The following NSMCE2 variants were observed in gnomAD, a reference collection of about 807,000 sequenced individuals.
NSMCE2 encodes E3 SUMO-protein ligase NSE2.
A neutral mutation model predicts 23.8 loss-of-function variants in NSMCE2; 24 were observed. The observed-to-expected ratio is 1.01, with a 90% CI of 0.73 to 1.42. The LOEUF is 1.42. Among genes scored for constraint, NSMCE2 ranks in the 40% most tolerant of loss-of-function variants. NSMCE2 has a pLI of 0.00. For missense variants in NSMCE2, 284 were observed against 296.5 expected (o/e 0.96, Z 0.31); for synonymous variants, 92 against 94.1 (o/e 0.98, Z 0.13).
chr8:125,319,232 C>A (rs1466016785), intron 5 of NSMCE2, among the ~76,000 whole-genome samples: 1 of 152,114 alleles, frequency 6.6e-6, no homozygotes, highest in South Asian at 2.1e-4. Context: ...CAAACTGTTT[C>A]CAAATAAATA....
chr8:125,131,655 T>C (rs1819778571), intron 3 of NSMCE2, among the ~76,000 whole-genome samples: 1 of 152,134 alleles, frequency 6.6e-6, no homozygotes, highest in African/African-American at 2.4e-5. Flanking sequence ...AGAGATTATG[T>C]CTCTTTGAAA....
At chr8:125,276,130 C>T (rs1332810076) in intron 5 of NSMCE2, among the ~76,000 whole-genome samples, 2 of 152,180 alleles carry the variant, frequency 1.3e-5, no homozygotes, top group African/African-American at 4.8e-5. Context: ...ACAGGATACT[C>T]AATTACATTT....
intron 7 of NSMCE2, among the ~76,000 whole-genome samples, chr8:125,363,980 G>C (rs1813678488): frequency 6.6e-6 from 1 of 152,022 alleles, no homozygotes; most frequent in African/African-American, 2.4e-5. Flanking sequence ...GTCTTGCTCT[G>C]TTGCCCAGGC....
At chr8:125,260,816 G>T (rs914244225) in intron 5 of NSMCE2, among the ~76,000 whole-genome samples, 1 of 151,572 alleles carries the variant, frequency 6.6e-6, no homozygotes. Flanking sequence ...TAGAGGTGAG[G>T]TTTCACCATG....
At chr8:125,307,260 T>C (rs529849236) in intron 5 of NSMCE2, among the ~76,000 whole-genome samples, 16 of 152,360 alleles carry the variant, frequency 1.1e-4, no homozygotes, top group African/African-American at 3.6e-4. Context: ...ATGTGCAATG[T>C]CTATGTTTAG....
intron 3 of NSMCE2, among the ~76,000 whole-genome samples, chr8:125,112,066 TG>T (rs1025293521): frequency 6.6e-6 from 1 of 152,110 alleles, no homozygotes; most frequent in Admixed American, 6.5e-5. Context: ...TAGTGGTGAG[TG>T]GTGGCCACAA....
intron 4 of NSMCE2, among the ~76,000 whole-genome samples, chr8:125,168,542 G>C (rs574093061): frequency 6.6e-6 from 1 of 152,320 alleles, no homozygotes; most frequent in East Asian, 1.9e-4. Context: ...TCAGCATCTG[G>C]TGAGGGCCTA....
chr8:125,158,441 G>A (rs1263007127), intron 4 of NSMCE2, among the ~76,000 whole-genome samples: 1 of 152,126 alleles, frequency 6.6e-6, no homozygotes, highest in Non-Finnish European at 1.5e-5. Context: ...AGAAGAGGCA[G>A]GAGACACACA....
intron 5 of NSMCE2, among the ~76,000 whole-genome samples, chr8:125,337,980 T>A (rs1262898408): frequency 6.6e-6 from 1 of 151,990 alleles, no homozygotes; most frequent in South Asian, 2.1e-4. Flanking sequence ...TTTAAGATAG[T>A]CTGATTCCTC....
chr8:125,096,543 T>G (rs1442306316), intron 1 of NSMCE2, among the ~76,000 whole-genome samples: 1 of 149,736 alleles, frequency 6.7e-6, no homozygotes, highest in African/African-American at 2.4e-5. Context: ...TGTTATTTGT[T>G]TTTTTTTTTT....
At chr8:125,215,820 G>A (rs1298179757) in intron 5 of NSMCE2, among the ~76,000 whole-genome samples, 1 of 152,118 alleles carries the variant, frequency 6.6e-6, no homozygotes, top group African/African-American at 2.4e-5. Flanking sequence ...ACTATTCTGG[G>A]TACCTCATGT....
rs192228792 is a variant in NSMCE2 at position 125,310,255 on chromosome 8, G to A, written c.419-46964G>A. On this transcript the variant is annotated intron_variant, in intron 5 of 7. Transcript: ENST00000287437. ...ACTCAGACTAGAGTCAGACAGAAGGGAGTTCCATTCCCAGCCCACCACCTG... is the reference window on the plus strand; with the variant it reads ...ACTCAGACTAGAGTCAGACAGAAGGAAGTTCCATTCCCAGCCCACCACCTG... Among the ~76,000 whole-genome samples the A allele has an allele frequency of 4.6e-5, 7 of 152,214 alleles. No individual in the cohort carries two copies. In the East Asian group the frequency reaches 1.3e-3, roughly 29 times the overall value.
chr8:125,325,078 C>T (rs1341493175), intron 5 of NSMCE2, among the ~76,000 whole-genome samples: 1 of 152,038 alleles, frequency 6.6e-6, no homozygotes, highest in Non-Finnish European at 1.5e-5. Flanking sequence ...AAATTATATA[C>T]TTTATATGCA....
chr8:125,093,030 G>A (rs1399308411), intron 1 of NSMCE2, among the ~76,000 whole-genome samples: 2 of 152,150 alleles, frequency 1.3e-5, no homozygotes, highest in Admixed American at 6.5e-5. Context: ...AATCCTTCTT[G>A]GTTGAGAACC....
intron 4 of NSMCE2, among the ~76,000 whole-genome samples, chr8:125,153,236 A>G (rs1319532199): frequency 1.3e-5 from 2 of 152,140 alleles, no homozygotes; most frequent in African/African-American, 2.4e-5. Context: ...ATTTTATCTC[A>G]CTTTTCAGCC....
At position 125,151,154 on chromosome 8, in the gene NSMCE2, A is replaced by ATTT; in HGVS notation, c.158-10_158-8dup. 2.2e-6 allele frequency: 3 copies of ATTT among 1,387,680 alleles called. No homozygotes were observed. Among genetic ancestry groups the ATTT allele is most frequent in the South Asian group, 1.2e-5 (1 of 81,758 alleles). 86.0% of individuals were successfully genotyped at this position (1,387,680 alleles called of 1,614,324 possible). ...TTTTAAATGGAAAATAATAATTGCAATTTTTTTTTCTTTCAGCTGAAGTGA... is the reference window on the plus strand; with the variant it reads ...TTTTAAATGGAAAATAATAATTGCAATTTTTTTTTTTTCTTTCAGCTGAAGTGA... On this transcript the variant is annotated splice_polypyrimidine_tract_variant and intron_variant, in intron 3 of 7. Coordinates refer to ENST00000287437, the MANE Select transcript of NSMCE2 (RefSeq NM_173685.4).
chr8:125,201,170 G>T (rs1015835328), intron 5 of NSMCE2, among the ~76,000 whole-genome samples: 8 of 152,188 alleles, frequency 5.3e-5, no homozygotes, highest in African/African-American at 1.9e-4. Flanking sequence ...GCCTACTTCT[G>T]TCAACTCGTC....
intron 5 of NSMCE2, among the ~76,000 whole-genome samples, chr8:125,344,016 CA>C (rs1032684866): frequency 6.6e-6 from 1 of 151,634 alleles, no homozygotes; most frequent in African/African-American, 2.4e-5. Context: ...AAACAAACAA[CA>C]AAAAAAATTA....
At chr8:125,339,113 G>A (rs914295356) in intron 5 of NSMCE2, among the ~76,000 whole-genome samples, 7 of 152,164 alleles carry the variant, frequency 4.6e-5, no homozygotes, top group African/African-American at 1.7e-4. Context: ...TGTTGCTGTT[G>A]GAGGAAGGGA....
Sources: allele counts gnomAD v4.1 joint callset (sites outside exome capture counted in the v4.1 genomes callset), GRCh38; gene constraint gnomAD v4.1.1; transcripts MANE v1.5; gene names NCBI Gene and HGNC (gene_info 2026-07-23, HGNC 2026-07-21).